Variants in ATRNL1 observed in about 807,000 individuals in gnomAD.
The protein encoded by ATRNL1 is attractin like 1.
A neutral mutation model predicts 182.7 loss-of-function variants in ATRNL1; 95 were observed. The observed-to-expected ratio is 0.52, with a 90% confidence interval of 0.44 to 0.62. ATRNL1 has a LOEUF of 0.62. Ranked by LOEUF, ATRNL1 falls within the 20% of genes least tolerant of loss-of-function variation. The pLI is 0.00. For synonymous variants in ATRNL1, 576 were observed against 568.3 expected (o/e 1.01, Z -0.19); for missense variants, 1,471 against 1,679.5 (o/e 0.88, Z 2.17).
chr10:115,767,197 A>G (rs951095119), intron 27 of ATRNL1, among the ~76,000 whole-genome samples: 5 of 152,260 alleles, frequency 3.3e-5, no homozygotes, highest in Middle Eastern at 3.4e-3. Flanking sequence ...TAGCCTTACC[A>G]TATCTTCAAC....
chr10:115,851,108 G>C (rs1951043740), intron 28 of ATRNL1, among the ~76,000 whole-genome samples: 1 of 123,738 alleles, frequency 8.1e-6, no homozygotes, highest in Non-Finnish European at 1.7e-5. Context: ...TGTTTGAAAT[G>C]TAGCTTACTA....
Position 115,266,833 on chromosome 10 carries a change from C to T in ATRNL1, c.1809C>T (p.Leu603=), listed in dbSNP as rs267602377. Residue 603 remains leucine, a synonymous_variant, in exon 12 of 29, where the codon CTC becomes CTT. Transcript: ENST00000355044. ...TATTTGGGGGATTTTCTAGTGTACT[C>T]CTTAATGATATCCTTGTATACAAGC... The part of the protein sequence containing the change: ...MYIFGGFSSV[L]LNDILVYKPP... 1.9e-6 allele frequency: 3 copies of T among 1,611,152 alleles called. No homozygotes were observed. The highest frequency in any genetic ancestry group is 3.3e-5 in the Admixed American group (2 of 59,860).
chr10:115,734,928 A>G (rs1372346214), intron 27 of ATRNL1, among the ~76,000 whole-genome samples: 1 of 152,072 alleles, frequency 6.6e-6, no homozygotes, highest in South Asian at 2.1e-4. Context: ...ATTAATGAAC[A>G]TTTTTCCCTC....
At chr10:115,743,780 TTTTATTAAAATTGTATG>T (rs1246771017) in intron 27 of ATRNL1, among the ~76,000 whole-genome samples, 84 of 8,000 alleles carry the variant, frequency 0.011, no homozygotes, top group African/African-American at 0.012. Context: ...ACTATGTGTA[TTTTATTAAAATTGTATG>T]TGTATTAAAA....
At chr10:115,701,096 A>G (rs117491948) in intron 26 of ATRNL1, among the ~76,000 whole-genome samples, 2,850 of 152,202 alleles carry the variant, frequency 0.019, 42 homozygotes, top group Non-Finnish European at 0.028. Flanking sequence ...TTGAAAATAT[A>G]ACAACCATAC....
intron 14 of ATRNL1, among the ~76,000 whole-genome samples, chr10:115,285,227 T>A (rs1852551440): frequency 6.6e-6 from 1 of 151,982 alleles, no homozygotes; most frequent in African/African-American, 2.4e-5. Context: ...GTTACCATTT[T>A]TAATTTTAAA....
intron 10 of ATRNL1, among the ~76,000 whole-genome samples, chr10:115,253,603 T>A (rs782654077): frequency 5.3e-5 from 8 of 152,134 alleles, no homozygotes; most frequent in East Asian, 3.9e-4. Context: ...GCAGATTTTT[T>A]TTATTATTAT....
intron 27 of ATRNL1, among the ~76,000 whole-genome samples, chr10:115,746,243 C>CA: frequency 6.6e-6 from 1 of 152,140 alleles, no homozygotes; most frequent in East Asian, 1.9e-4. Flanking sequence ...AATTGAATCT[C>CA]AGAGTTTTTG....
intron 27 of ATRNL1, among the ~76,000 whole-genome samples, chr10:115,800,974 A>G (rs1405291504): frequency 6.6e-6 from 1 of 152,224 alleles, no homozygotes; most frequent in Non-Finnish European, 1.5e-5. Context: ...TAAGGAAAAT[A>G]CAGGTCTTCT....
At chr10:115,240,715 A>G (rs1850383632) in intron 9 of ATRNL1, among the ~76,000 whole-genome samples, 1 of 151,982 alleles carries the variant, frequency 6.6e-6, no homozygotes, top group Non-Finnish European at 1.5e-5. Context: ...TAGTTATTTA[A>G]TATTTATTTA....
intron 26 of ATRNL1, among the ~76,000 whole-genome samples, chr10:115,700,240 T>A (rs1946689735): frequency 6.6e-6 from 1 of 151,916 alleles, no homozygotes; most frequent in African/African-American, 2.4e-5. Context: ...TAGTTCTGTT[T>A]TAAGTTCTTT....
intron 1 of ATRNL1, among the ~76,000 whole-genome samples, chr10:115,103,081 AGGCT>A (rs1178112818): frequency 1.7e-4 from 24 of 143,794 alleles, no homozygotes; most frequent in African/African-American, 5.8e-4. Context: ...TCTGTCACTC[AGGCT>A]GGAGTGCAAT....
At position 115,862,494 on chromosome 10, in the gene ATRNL1, G is replaced by A. The variant is rs540895755; in HGVS notation, c.4018+14503G>A. Among the ~76,000 whole-genome samples, 132 of 152,222 alleles carry A rather than the reference G, an allele frequency of 8.7e-4. 7 individuals carry two copies. In the South Asian group the frequency reaches 0.023, roughly 26 times the overall value. ...TCCCCTCAGCCAACTTTTTTCATAT[G>A]CATTAAAAGTATTTCTCAGAAATGC... On this transcript the variant is annotated intron_variant, in intron 28 of 28. Transcript: ENST00000355044.
chr10:115,645,933 A>G (rs1272294602), intron 26 of ATRNL1, among the ~76,000 whole-genome samples: 1 of 152,076 alleles, frequency 6.6e-6, no homozygotes, highest in East Asian at 1.9e-4. Context: ...CAAAATTGGT[A>G]CTTGAAACCA....
chr10:115,737,277 C>CCG (rs1555066179), intron 27 of ATRNL1, among the ~76,000 whole-genome samples: 1 of 149,652 alleles, frequency 6.7e-6, no homozygotes, highest in African/African-American at 2.5e-5. Flanking sequence ...CATCCCCCCC[C>CCG]CCCAAAAAAA....
intron 27 of ATRNL1, among the ~76,000 whole-genome samples, chr10:115,769,786 A>G (rs145162913): frequency 3.2e-4 from 49 of 152,210 alleles, no homozygotes; most frequent in Non-Finnish European, 6.2e-4. Context: ...TAATAAGATC[A>G]TACATATAAA....
At chr10:115,591,056 G>T (rs374678333) in intron 26 of ATRNL1, among the ~76,000 whole-genome samples, 5 of 152,126 alleles carry the variant, frequency 3.3e-5, no homozygotes, top group Non-Finnish European at 7.4e-5. Context: ...AACTATGAAA[G>T]GTTCTAGGTA....
At chr10:115,302,107 AAAG>A (rs1258701652) in intron 17 of ATRNL1, 64 bp downstream of exon 17, 4 of 1,357,656 alleles carry the variant, frequency 2.9e-6, no homozygotes, top group East Asian at 5.0e-5. Flanking sequence ...TCTGTGATGT[AAAG>A]AAGAATTAAA....
At chr10:115,118,713 T>A (rs1177788934) in intron 1 of ATRNL1, among the ~76,000 whole-genome samples, 5 of 152,176 alleles carry the variant, frequency 3.3e-5, no homozygotes, top group Non-Finnish European at 7.4e-5. Context: ...CTTTTGGCAG[T>A]CTCTTCTAAA....
Sources: allele counts gnomAD v4.1 joint callset (sites outside exome capture counted in the v4.1 genomes callset), GRCh38; gene constraint gnomAD v4.1.1; transcripts MANE v1.5; gene names NCBI Gene and HGNC (gene_info 2026-07-23, HGNC 2026-07-21).